The following CCDC88A variants were observed in gnomAD, a reference collection of about 807,000 sequenced individuals.
CCDC88A encodes the protein girdin.
A neutral mutation model predicts 234.3 loss-of-function variants in CCDC88A; 54 were observed. The ratio of observed to expected loss-of-function variants is 0.23; its 90% CI spans 0.19 to 0.29. The LOEUF (loss-of-function observed/expected upper bound fraction) is 0.29. CCDC88A is among the 10% of genes least tolerant of loss of function. The pLI is 1.00. For missense variants in CCDC88A, 1,832 were observed against 2,123.4 expected (o/e 0.86, Z 2.70); for synonymous variants, 753 against 737.8 (o/e 1.02, Z -0.33).
chr2:55,375,348 G>C (rs1190675438), intron 3 of CCDC88A, among the ~76,000 whole-genome samples: 1 of 151,746 alleles, frequency 6.6e-6, no homozygotes, highest in South Asian at 2.1e-4. Context: ...CTCAGTAAAA[G>C]ATCGAGCAAA....
intron 12 of CCDC88A, among the ~76,000 whole-genome samples, chr2:55,341,741 C>T (rs1175010319): frequency 6.6e-6 from 1 of 152,166 alleles, no homozygotes; most frequent in African/African-American, 2.4e-5. Flanking sequence ...CTGCACCTGG[C>T]CAGAATTTCA....
At chr2:55,387,314 C>T (rs767358122) in intron 3 of CCDC88A, among the ~76,000 whole-genome samples, 5 of 151,000 alleles carry the variant, frequency 3.3e-5, no homozygotes, top group Non-Finnish European at 5.9e-5. Flanking sequence ...AAGAGAATGA[C>T]TAGAATTAAA....
chr2:55,303,816 G>A (rs927604590), intron 25 of CCDC88A, among the ~76,000 whole-genome samples: 1 of 152,142 alleles, frequency 6.6e-6, no homozygotes, highest in Non-Finnish European at 1.5e-5. Flanking sequence ...GCTACTGGTG[G>A]TTCACAGAGT....
At chr2:55,394,221 T>A (rs1436250275) in intron 2 of CCDC88A, 1 of 152,198 alleles carries the variant, frequency 6.6e-6, no homozygotes, top group African/African-American at 2.4e-5. Flanking sequence ...GAATGATGGT[T>A]TCCAACTTCA....
At chr2:55,302,331 C>T (rs1292286303) in intron 26 of CCDC88A, among the ~76,000 whole-genome samples, 1 of 152,152 alleles carries the variant, frequency 6.6e-6, no homozygotes, top group Admixed American at 6.5e-5. Flanking sequence ...TTACTAAGTA[C>T]GACTGCCATG....
chr2:55,380,818 T>C (rs1379152322), intron 3 of CCDC88A, among the ~76,000 whole-genome samples: 4 of 152,168 alleles, frequency 2.6e-5, no homozygotes, highest in Non-Finnish European at 2.9e-5. Flanking sequence ...GGTTTCACCA[T>C]GTTGGCCAGG....
At chr2:55,409,623 A>G (rs1680130624) in intron 2 of CCDC88A, among the ~76,000 whole-genome samples, 1 of 151,748 alleles carries the variant, frequency 6.6e-6, no homozygotes, top group East Asian at 1.9e-4. Context: ...TGAGTATTAC[A>G]TTTAGATCCT....
intron 2 of CCDC88A, among the ~76,000 whole-genome samples, chr2:55,397,900 T>G (rs1558818641): frequency 6.6e-6 from 1 of 152,130 alleles, no homozygotes. Flanking sequence ...TTAAGTTTTT[T>G]TAGACTTTGC....
chr2:55,354,222 C>A (rs1399038321), intron 8 of CCDC88A, among the ~76,000 whole-genome samples: 1 of 150,916 alleles, frequency 6.6e-6, no homozygotes, highest in East Asian at 2.0e-4. Context: ...CTCACTGCAA[C>A]TTCCACCTCC....
intron 6 of CCDC88A, among the ~76,000 whole-genome samples, chr2:55,362,784 A>G (rs2104787207): frequency 6.6e-6 from 1 of 152,104 alleles, no homozygotes; most frequent in South Asian, 2.1e-4. Context: ...TAAGACTTCT[A>G]ATTTATTGTA....
chr2:55,378,848 C>G (rs539988226), intron 3 of CCDC88A, among the ~76,000 whole-genome samples: 1 of 151,340 alleles, frequency 6.6e-6, no homozygotes, highest in African/African-American at 2.4e-5. Context: ...CAGGTTTCAG[C>G]GATCCTCCTG....
At chr2:55,368,305 C>T (rs951546372) in intron 5 of CCDC88A, among the ~76,000 whole-genome samples, 4 of 152,062 alleles carry the variant, frequency 2.6e-5, no homozygotes, top group Admixed American at 2.6e-4. Flanking sequence ...GATTAAAAGT[C>T]ATAATTTATT....
In CCDC88A at chr2:55,372,452, CT is replaced by C; in HGVS notation, c.401del (p.Gln134ArgfsTer15). 1 of 1,467,674 alleles carries C rather than the reference CT, an allele frequency of 6.8e-7. No individual in the cohort carries two copies. Among genetic ancestry groups the C allele is most frequent in the Non-Finnish European group, 9.4e-7 (1 of 1,059,838 alleles). The allele number at this position is 1,467,674 out of a possible 1,614,324, so 90.9% of individuals were successfully genotyped here. ...AATATGAAAAAATATTTTAACTTAC[CT>C]GAACTGCACAACCCAATAAAAGTAA... The part of the protein sequence containing the change: ...LLLLLLGCAV[Q>X]CQKKEEFIER... On this transcript the variant is annotated frameshift_variant and splice_region_variant, in exon 5 of 33. Coordinates refer to ENST00000436346, the MANE Select transcript of CCDC88A (RefSeq NM_001365480.1). LOFTEE classifies it high-confidence loss of function.
intron 25 of CCDC88A, among the ~76,000 whole-genome samples, chr2:55,303,543 G>A (rs1681154996): frequency 6.6e-6 from 1 of 152,048 alleles, no homozygotes; most frequent in Non-Finnish European, 1.5e-5. Flanking sequence ...CAACATGCCT[G>A]GCTAATTTTG....
rs1671999793 is a variant in CCDC88A at position 55,366,572 on chromosome 2, CACACAA to C, written c.403-2545_403-2540del. 2.2e-5 allele frequency among the ~76,000 whole-genome samples: 3 copies of C among 135,764 alleles called. No homozygotes were observed. In the South Asian group the frequency reaches 6.9e-4, roughly 31 times the overall value. 89.1% of individuals were successfully genotyped at this position (135,764 alleles called of 152,430 possible). On this transcript the variant is annotated intron_variant, in intron 5 of 32. Transcript: ENST00000436346. ...ACACACACACACACACACACACACACACACAAGATATGATGTGGAAACTTGGACATA... is the reference window on the plus strand; with the variant it reads ...ACACACACACACACACACACACACACGATATGATGTGGAAACTTGGACATA...
chr2:55,311,122 G>A (rs962214955), intron 23 of CCDC88A, among the ~76,000 whole-genome samples: 7 of 152,170 alleles, frequency 4.6e-5, no homozygotes, highest in African/African-American at 1.4e-4. Flanking sequence ...TAATGCCTCT[G>A]CTTAAGGGAC....
chr2:55,398,954 C>A (rs1441222396), intron 2 of CCDC88A, among the ~76,000 whole-genome samples: 2 of 151,702 alleles, frequency 1.3e-5, no homozygotes, highest in Non-Finnish European at 2.9e-5. Context: ...GAAAATTATG[C>A]AAATCAAGAG....
chr2:55,354,243 C>T (rs547795295), intron 8 of CCDC88A, among the ~76,000 whole-genome samples: 64 of 150,984 alleles, frequency 4.2e-4, no homozygotes, highest in African/African-American at 1.4e-3. Context: ...TGGGTTCAAG[C>T]GATTCTCCTG....
rs1196823521 is a variant in CCDC88A at position 55,295,691 on chromosome 2, T to C, written c.5457A>G (p.Thr1819=). Residue 1819 remains threonine, a synonymous_variant, in exon 31 of 33, where the codon ACA becomes ACG. Coordinates refer to ENST00000436346, the MANE Select transcript of CCDC88A (RefSeq NM_001365480.1). ...ISTAEGTTRR[T]SIHDFLTKDS... is the part of the protein sequence containing the mutation. ...CCTTGGTCAAAAAATCATGGATGCT[T>C]GTCCTTCGTGTAGTTCCTTCGGCAG... 17 of 1,614,108 alleles carry C rather than the reference T, an allele frequency of 1.1e-5. No homozygotes were observed. The highest frequency in any genetic ancestry group is 1.3e-5 in the Non-Finnish European group (15 of 1,180,044).
Sources: allele counts gnomAD v4.1 joint callset (sites outside exome capture counted in the v4.1 genomes callset), GRCh38; gene constraint gnomAD v4.1.1; transcripts MANE v1.5; gene names NCBI Gene and HGNC (gene_info 2026-07-23, HGNC 2026-07-21).